The following ARID1B variants were observed in gnomAD, a reference collection of about 807,000 sequenced individuals.
The protein encoded by ARID1B is AT-rich interactive domain-containing protein 1B.
ARID1B carries 30 observed loss-of-function variants against 212.3 expected under a neutral mutation model. That is an observed-to-expected ratio of 0.14 (90% CI 0.11 to 0.19). The LOEUF (loss-of-function observed/expected upper bound fraction) is 0.19. Ranked by LOEUF, ARID1B falls within the 10% of genes least tolerant of loss-of-function variation. The pLI, the probability that ARID1B is intolerant of heterozygous loss-of-function variation, is 1.00. For synonymous variants in ARID1B, 1,402 were observed against 1,301.7 expected (o/e 1.08, Z -1.66); for missense variants, 2,891 against 3,204.0 (o/e 0.90, Z 2.36).
intron 4 of ARID1B, among the ~76,000 whole-genome samples, chr6:156,975,245 A>G (rs1179649856): frequency 2.6e-5 from 4 of 152,182 alleles, no homozygotes; most frequent in South Asian, 2.1e-4. Context: ...CTAGTAATCA[A>G]TGATGTGCAT....
chr6:156,890,530 T>C (rs1787845966), intron 2 of ARID1B, among the ~76,000 whole-genome samples: 1 of 152,236 alleles, frequency 6.6e-6, no homozygotes, highest in South Asian at 2.1e-4. Flanking sequence ...AGAAAGCCTG[T>C]TAAAAACTGG....
rs1008935327 is a variant in ARID1B at position 157,148,345 on chromosome 6, G to GT, written c.2762-272dup. Among the ~76,000 whole-genome samples, 14 of 151,908 alleles carry GT rather than the reference G, an allele frequency of 9.2e-5. No homozygotes were observed. Among genetic ancestry groups the GT allele is most frequent in the East Asian group, 1.9e-4 (1 of 5,156 alleles). Reference sequence around the variant, plus strand: ...TGCCTATTCATAGGGTTTGTTTTTTGTTTTTTTGTTTGTTTCTTTTTATGA... The same window carrying GT: ...TGCCTATTCATAGGGTTTGTTTTTTGTTTTTTTTGTTTGTTTCTTTTTATGA... On this transcript the variant is annotated intron_variant, in intron 7 of 19. Transcript: ENST00000636930. The surrounding 1 kb of genome is among the most constrained non-coding windows in gnomAD (Gnocchi z 5.6).
At chr6:157,000,452 C>T (rs147230314) in intron 4 of ARID1B, among the ~76,000 whole-genome samples, 176 of 152,074 alleles carry the variant, frequency 1.2e-3, no homozygotes, top group African/African-American at 4.1e-3. Flanking sequence ...TACTATGAAC[C>T]AAAAACAAAT....
At chr6:156,924,938 A>T (rs1485475304) in intron 3 of ARID1B, among the ~76,000 whole-genome samples, 1 of 152,140 alleles carries the variant, frequency 6.6e-6, no homozygotes, top group East Asian at 1.9e-4. Flanking sequence ...CATTATGTTG[A>T]TTATTTTAGG....
intron 4 of ARID1B, among the ~76,000 whole-genome samples, chr6:157,010,649 G>GT (rs1206921207): frequency 2.3e-5 from 3 of 128,902 alleles, no homozygotes; most frequent in East Asian, 2.2e-4. Context: ...GTTTTGTTTT[G>GT]TTTTTTGTTG....
intron 4 of ARID1B, among the ~76,000 whole-genome samples, chr6:157,079,326 A>G (rs777316720): frequency 6.6e-6 from 1 of 152,236 alleles, no homozygotes; most frequent in African/African-American, 2.4e-5. Flanking sequence ...GTATCTGGAC[A>G]TAAACACTAT....
At chr6:157,140,949 G>A (rs973120217) in intron 7 of ARID1B, 7 of 319,062 alleles carry the variant, frequency 2.2e-5, no homozygotes, top group African/African-American at 1.5e-4. Flanking sequence ...CTGCCACCAG[G>A]ACATAAGCTC....
intron 5 of ARID1B, among the ~76,000 whole-genome samples, chr6:157,093,264 T>C (rs1785395051): frequency 6.6e-6 from 1 of 152,214 alleles, no homozygotes; most frequent in Admixed American, 6.5e-5. Context: ...TATATCACCA[T>C]GTTTCCTAAA....
chr6:157,109,563 G>A (rs575902185), intron 5 of ARID1B, among the ~76,000 whole-genome samples: 3 of 152,180 alleles, frequency 2.0e-5, no homozygotes, highest in South Asian at 4.1e-4. Flanking sequence ...TTTAAATTCC[G>A]TTACATTTTT....
intron 7 of ARID1B, among the ~76,000 whole-genome samples, chr6:157,145,001 G>A (rs550304282): frequency 2.0e-5 from 3 of 152,288 alleles, no homozygotes; most frequent in East Asian, 1.9e-4. Context: ...AGCTAATGGC[G>A]TGTGGCCCAG....
chr6:157,087,346 T>A (rs1039939816), intron 5 of ARID1B, among the ~76,000 whole-genome samples: 2 of 152,216 alleles, frequency 1.3e-5, no homozygotes, highest in Non-Finnish European at 2.9e-5. Context: ...CAAGTGGAAT[T>A]ACAAACATTT....
chr6:157,166,924 A>G, intron 8 of ARID1B, 116 bp from the exon 9 acceptor site: 1 of 1,383,714 alleles, frequency 7.2e-7, no homozygotes, highest in Non-Finnish European at 9.7e-7. Context: ...TTACACAAAC[A>G]TGAAAAGTTA....
At chr6:156,779,572 G>T (rs1483028098) in intron 1 of ARID1B, 101 bp downstream of exon 1, 4 of 1,117,244 alleles carry the variant, frequency 3.6e-6, no homozygotes, top group South Asian at 4.0e-5. Context: ...GTCTTCCCGC[G>T]GGGGCGGCGG....
At chr6:157,014,246 A>G (rs936067356) in intron 4 of ARID1B, among the ~76,000 whole-genome samples, 1 of 152,192 alleles carries the variant, frequency 6.6e-6, no homozygotes, top group African/African-American at 2.4e-5. Flanking sequence ...GTCCATTATT[A>G]GAATTGTTGG....
At chr6:156,976,791 G>A (rs1201027538) in intron 4 of ARID1B, 7 of 553,836 alleles carry the variant, frequency 1.3e-5, no homozygotes, top group Middle Eastern at 5.7e-4. Context: ...CAAACCCATC[G>A]GCAGGAAAAA....
At chr6:156,919,123 A>G (rs977312893) in intron 3 of ARID1B, among the ~76,000 whole-genome samples, 2 of 152,214 alleles carry the variant, frequency 1.3e-5, no homozygotes, top group Non-Finnish European at 2.9e-5. Flanking sequence ...TAATTGCTGT[A>G]GAAATCAGGG....
In ARID1B at chr6:157,166,851, G is replaced by C. The variant is rs1184018123; in HGVS notation, c.3090-189G>C. 6.7e-6 allele frequency: 4 copies of C among 592,978 alleles called. No individual in the cohort carries two copies. In the African/African-American group the frequency reaches 7.6e-5, roughly 11 times the overall value. 36.7% of individuals were successfully genotyped at this position (592,978 alleles called of 1,614,324 possible). On this transcript the variant is annotated intron_variant, in intron 8 of 19. Transcript: ENST00000636930. ...AACTTGTAATATTTGGAATTGTAAA[G>C]GGGTGTATTAAAGAGTTACCTAGCA...
intron 2 of ARID1B, among the ~76,000 whole-genome samples, chr6:156,877,741 G>A (rs1786677377): frequency 1.3e-5 from 2 of 148,534 alleles, no homozygotes; most frequent in Non-Finnish European, 3.0e-5. Flanking sequence ...ACAGAGTCTC[G>A]CTCTGTCACC....
intron 1 of ARID1B, among the ~76,000 whole-genome samples, chr6:156,804,573 A>G (rs948173924): frequency 6.6e-6 from 1 of 152,240 alleles, no homozygotes; most frequent in East Asian, 1.9e-4. Context: ...ACAGGGTGGC[A>G]GGGGAGAGAA....
Sources: allele counts gnomAD v4.1 joint callset (sites outside exome capture counted in the v4.1 genomes callset), GRCh38; gene constraint gnomAD v4.1.1; non-coding constraint Gnocchi (gnomAD v3.1); transcripts MANE v1.5; gene names NCBI Gene and HGNC (gene_info 2026-07-23, HGNC 2026-07-21).